The following DNASE1 variants were observed in gnomAD, a reference collection of about 807,000 sequenced individuals.
The protein encoded by DNASE1 is deoxyribonuclease-1.
DNASE1 carries 40 observed loss-of-function variants against 33.9 expected under a neutral mutation model. The observed-to-expected ratio is 1.18, with a 90% CI of 0.92 to 1.54. The LOEUF is 1.54. Among genes scored for constraint, DNASE1 ranks in the 40% most tolerant of loss-of-function variants. The probability of loss-of-function intolerance (pLI) is 0.00; values close to 1 mark genes in which losing one functional copy is unlikely to be tolerated. For synonymous variants in DNASE1, 216 were observed against 160.0 expected, an observed-to-expected ratio of 1.35 and a Z score of -2.64; for missense variants, 518 against 372.6, an observed-to-expected ratio of 1.39 and a Z score of -3.21.
At chr16:3,637,336 A>G (rs2041899021) in intron 1 of DNASE1, among the ~76,000 whole-genome samples, 1 of 152,108 alleles carries the variant, frequency 6.6e-6, no homozygotes, top group Non-Finnish European at 1.5e-5. Flanking sequence ...TTTCCGTTCT[A>G]TTCTCTTGTT....
chr16:3,664,425 G>A lies in DNASE1; in HGVS notation c.*6472G>A, dbSNP rs771557989. ...GGTTAGCTGCCCGGAGGGCAGCGCC[G>A]AGGACTCGTAGCGCAGCAGCTTTGC... is the stretch of plus-strand genomic sequence containing the variant. On this transcript the variant is annotated 3_prime_UTR_variant, in exon 10 of 10. Transcript: ENST00000407479. 42 of 1,612,084 alleles carry A rather than the reference G, an allele frequency of 2.6e-5. No individual in the cohort carries two copies. Among genetic ancestry groups the A allele is most frequent in the South Asian group, 5.5e-5 (5 of 90,764 alleles).
chr16:3,647,393 C>T (rs934239052), intron 1 of DNASE1, among the ~76,000 whole-genome samples: 2 of 151,914 alleles, frequency 1.3e-5, no homozygotes, highest in Non-Finnish European at 2.9e-5. Context: ...CCTACCTCAG[C>T]CTCCTGAGTA....
At chr16:3,629,095 C>A (rs2041617405) in intron 1 of DNASE1, among the ~76,000 whole-genome samples, 1 of 148,780 alleles carries the variant, frequency 6.7e-6, no homozygotes, top group Non-Finnish European at 1.5e-5. Context: ...TTGCTTAAAC[C>A]CTGGAGGCGG....
chr16:3,640,925 A>G, upstream of DNASE1: 1 of 398,414 alleles, frequency 2.5e-6, no homozygotes, highest in Non-Finnish European at 4.4e-6. Flanking sequence ...GGGCAGAGCC[A>G]CTGTCCTGTC....
At chr16:3,629,659 T>TA (rs1385220163) in intron 1 of DNASE1, among the ~76,000 whole-genome samples, 1 of 152,240 alleles carries the variant, frequency 6.6e-6, no homozygotes, top group African/African-American at 2.4e-5. Context: ...TTGGTACTAC[T>TA]AGTTGTTGTT....
At chr16:3,661,730 G>A (rs2043087389), downstream of DNASE1, 3 of 403,450 alleles carry the variant, frequency 7.4e-6, no homozygotes, top group Non-Finnish European at 1.3e-5. Flanking sequence ...AGGTGGCAAA[G>A]CCATAAAGCA....
At chr16:3,644,688 A>C (rs2042118958) in intron 1 of DNASE1, among the ~76,000 whole-genome samples, 1 of 151,288 alleles carries the variant, frequency 6.6e-6, no homozygotes, top group Non-Finnish European at 1.5e-5. Flanking sequence ...TGAGCTATGA[A>C]TGTGCCACTG....
rs780375051 is a variant in DNASE1, at chr16:3,664,453, T to C, written c.*6500T>C. ...GACTCGTAGCGCAGCAGCTTTGCTA[T>C]GTCCTCCTAGAAGGGACGGGGCAGG... is the stretch of plus-strand genomic sequence containing the variant. On this transcript the variant is annotated 3_prime_UTR_variant, in exon 10 of 10. Transcript: ENST00000407479. 3.1e-6 allele frequency: 5 copies of C among 1,610,080 alleles called. No individual in the cohort carries two copies. The Admixed American group carries it at 8.4e-5, about 27-fold the overall frequency.
At chr16:3,663,570 T>TG (rs2050743262) in exon 10 of DNASE1, 1 of 1,613,310 alleles carries the variant, frequency 6.2e-7, no homozygotes, top group Admixed American at 1.7e-5. Flanking sequence ...AACCTGCAGG[T>TG]GGCCAAGAGC....
upstream of DNASE1, among the ~76,000 whole-genome samples, chr16:3,641,535 G>A (rs901184072): frequency 6.6e-6 from 1 of 152,182 alleles, no homozygotes; most frequent in African/African-American, 2.4e-5. Context: ...CATCTGTCCT[G>A]GAGGCCATCC....
chr16:3,655,654 C>T (rs1418289247), intron 2 of DNASE1, 134 bp downstream of exon 2: 5 of 1,474,220 alleles, frequency 3.4e-6, no homozygotes, highest in Non-Finnish European at 3.7e-6. Flanking sequence ...CACGGTGGAA[C>T]AGGCTCTTGG....
At chr16:3,637,350 A>T (rs2041899926) in intron 1 of DNASE1, among the ~76,000 whole-genome samples, 1 of 152,200 alleles carries the variant, frequency 6.6e-6, no homozygotes, top group East Asian at 1.9e-4. Flanking sequence ...TCTTGTTATT[A>T]TATAGGAGCC....
chr16:3,637,850 C>T (rs1399302960), intron 1 of DNASE1, among the ~76,000 whole-genome samples: 1 of 152,172 alleles, frequency 6.6e-6, no homozygotes, highest in Non-Finnish European at 1.5e-5. Flanking sequence ...CACTCCTGGG[C>T]TCCTGCTCAG....
At chr16:3,612,630 G>C (rs897759857) in intron 1 of DNASE1, among the ~76,000 whole-genome samples, 47 of 143,818 alleles carry the variant, frequency 3.3e-4, no homozygotes, top group African/African-American at 1.1e-3. Context: ...GGCTGGTCTC[G>C]AGCCCTGGCC....
intron 1 of DNASE1, among the ~76,000 whole-genome samples, chr16:3,613,474 C>G (rs2040982020): frequency 6.6e-6 from 1 of 152,184 alleles, no homozygotes; most frequent in African/African-American, 2.4e-5. Context: ...AGTGGAATTA[C>G]TGGGTAAGAC....
intron 1 of DNASE1, among the ~76,000 whole-genome samples, chr16:3,634,314 C>T (rs941106049): frequency 1.7e-4 from 25 of 151,222 alleles, no homozygotes; most frequent in African/African-American, 5.8e-4. Context: ...CTGGAAGCTC[C>T]ACCTCCCAGG....
At chr16:3,662,291 C>G, downstream of DNASE1, 1 of 850,100 alleles carries the variant, frequency 1.2e-6, no homozygotes, top group Non-Finnish European at 1.8e-6. Flanking sequence ...TACCCACTAA[C>G]TTGTGGGCCC....
intron 1 of DNASE1, among the ~76,000 whole-genome samples, chr16:3,645,269 A>T (rs965495366): frequency 7.2e-5 from 11 of 152,126 alleles, no homozygotes; most frequent in African/African-American, 2.6e-4. Flanking sequence ...CTAGCCTTGG[A>T]CAGGGAGGGG....
At chr16:3,662,603 T>TC, downstream of DNASE1, 1 of 641,290 alleles carries the variant, frequency 1.6e-6, no homozygotes, top group Non-Finnish European at 2.9e-6. Context: ...AACCCCCACG[T>TC]CCTCAGCCAT....
Sources: allele counts gnomAD v4.1 joint callset (sites outside exome capture counted in the v4.1 genomes callset), GRCh38; gene constraint gnomAD v4.1.1; transcripts MANE v1.5; gene names NCBI Gene and HGNC (gene_info 2026-07-23, HGNC 2026-07-21).